The following FBLN7 variants were observed in gnomAD, a reference collection of about 807,000 sequenced individuals.
FBLN7 encodes the protein fibulin-7.
FBLN7 carries 31 observed loss-of-function variants against 44.0 expected under a neutral mutation model. That is an observed-to-expected ratio of 0.70 (90% confidence interval 0.53 to 0.95). The LOEUF is 0.95. Ranked by LOEUF, FBLN7 falls within the 40% of genes least tolerant of loss-of-function variation. The pLI, the probability that FBLN7 is intolerant of heterozygous loss-of-function variation, is 0.00. For synonymous variants in FBLN7, 262 were observed against 253.4 expected (o/e 1.03, Z -0.32); for missense variants, 573 against 618.5 (o/e 0.93, Z 0.78).
chr2:112,175,845 TA>T lies in FBLN7; in HGVS notation c.532+7del, dbSNP rs745461126. The stretch of plus-strand genomic sequence containing the variant: ...TCAGCATCAGGCCCAGACTGGTATG[TA>T]GCCACCATGGGGTTAGGTGAGGACA... On this transcript the variant is annotated splice_region_variant and intron_variant, in intron 4 of 7. Transcript: ENST00000331203. 6.2e-7 allele frequency: 1 copy of T among 1,613,674 alleles called. No individual in the cohort carries two copies. The highest frequency in any genetic ancestry group is 8.5e-7 in the Non-Finnish European group (1 of 1,179,796).
At chr2:112,194,777 C>T in the FBLN7 span, among the ~76,000 whole-genome samples, 5 of 152,216 alleles carry the variant, frequency 3.3e-5, no homozygotes, top group Non-Finnish European at 7.3e-5. Flanking sequence ...ATCAGATAGC[C>T]CTGTGTCCTT....
At chr2:112,243,152 A>G in the FBLN7 span, among the ~76,000 whole-genome samples, 1 of 152,220 alleles carries the variant, frequency 6.6e-6, no homozygotes. Flanking sequence ...CAAAGTTAAA[A>G]TAGGAACAAG....
At chr2:112,235,594 T>C in the FBLN7 span, among the ~76,000 whole-genome samples, 1 of 152,138 alleles carries the variant, frequency 6.6e-6, no homozygotes, top group Non-Finnish European at 1.5e-5. Context: ...CCCCTTACCC[T>C]TGTCCCATAT....
intron 1 of FBLN7, among the ~76,000 whole-genome samples, chr2:112,140,812 C>G (rs986410261): frequency 6.6e-6 from 1 of 152,200 alleles, no homozygotes; most frequent in Non-Finnish European, 1.5e-5. Context: ...CGAAGCGGTC[C>G]CTTCCCGAGC....
At chr2:112,159,340 G>A (rs967845523) in intron 1 of FBLN7, among the ~76,000 whole-genome samples, 4 of 152,170 alleles carry the variant, frequency 2.6e-5, no homozygotes, top group African/African-American at 9.7e-5. Context: ...CCAAGGCCCA[G>A]GGTTTTCAGA....
At chr2:112,203,371 T>C in the FBLN7 span, among the ~76,000 whole-genome samples, 1 of 152,200 alleles carries the variant, frequency 6.6e-6, no homozygotes, top group Admixed American at 6.5e-5. Context: ...GGCTGTCTAT[T>C]AAGCTAACTA....
At chr2:112,230,774 T>G in the FBLN7 span, 1 of 550,146 alleles carries the variant, frequency 1.8e-6, no homozygotes, top group African/African-American at 2.0e-5. Flanking sequence ...ATCAAATATT[T>G]TATAATTCTT....
chr2:112,223,366 AAC>A, the FBLN7 span, among the ~76,000 whole-genome samples: 2 of 152,208 alleles, frequency 1.3e-5, no homozygotes, highest in African/African-American at 2.4e-5. Flanking sequence ...AATTTCTAGA[AAC>A]ACACAAACAA....
intron 2 of FBLN7, among the ~76,000 whole-genome samples, chr2:112,162,565 G>T (rs1054264254): frequency 2.6e-5 from 4 of 152,158 alleles, no homozygotes; most frequent in African/African-American, 9.7e-5. Context: ...CTCGGAAGGC[G>T]CAGGGAGCTT....
At chr2:112,178,869 C>G (rs1682852421) in intron 4 of FBLN7, among the ~76,000 whole-genome samples, 1 of 152,068 alleles carries the variant, frequency 6.6e-6, no homozygotes, top group Non-Finnish European at 1.5e-5. Context: ...TAAGAGCCAT[C>G]TATGACAAAC....
the FBLN7 span, among the ~76,000 whole-genome samples, chr2:112,230,168 G>A: frequency 2.1e-4 from 32 of 152,234 alleles, 1 homozygote; most frequent in Middle Eastern, 3.4e-3. Context: ...ATTAAGTTAC[G>A]AGATTCTATT....
chr2:112,215,998 T>A, the FBLN7 span: 2 of 152,184 alleles, frequency 1.3e-5, no homozygotes, highest in African/African-American at 4.8e-5. Context: ...AAAATGAAAT[T>A]GTGAACCATT....
At chr2:112,140,418 C>T (rs568210026) in intron 1 of FBLN7, among the ~76,000 whole-genome samples, 43 of 152,300 alleles carry the variant, frequency 2.8e-4, no homozygotes, top group African/African-American at 9.9e-4. Flanking sequence ...ACTTTCCACT[C>T]GGATGCCTGG....
chr2:112,198,288 A>G, the FBLN7 span, among the ~76,000 whole-genome samples: 16 of 152,184 alleles, frequency 1.1e-4, 1 homozygote, highest in East Asian at 2.9e-3. Flanking sequence ...GGCTTTTGGG[A>G]GGTGATTAGT....
At chr2:112,150,382 G>GA (rs146395201) in intron 1 of FBLN7, among the ~76,000 whole-genome samples, 4,795 of 147,780 alleles carry the variant, frequency 0.032, 237 homozygotes, top group African/African-American at 0.11. Flanking sequence ...TGTACCAGAA[G>GA]AAAAAAAAAA....
chr2:112,236,853 C>A, the FBLN7 span, among the ~76,000 whole-genome samples: 8 of 152,058 alleles, frequency 5.3e-5, no homozygotes, highest in East Asian at 1.5e-3. Context: ...TCAAGGCCAG[C>A]CTAAGTGTTC....
intron 3 of FBLN7, among the ~76,000 whole-genome samples, chr2:112,166,006 TA>T (rs1367870117): frequency 6.6e-6 from 1 of 151,224 alleles, no homozygotes; most frequent in Non-Finnish European, 1.5e-5. Flanking sequence ...GGACATTATA[TA>T]AACAAGAAGA....
chr2:112,234,366 A>T, the FBLN7 span: 42 of 645,072 alleles, frequency 6.5e-5, 1 homozygote, highest in South Asian at 8.8e-4. Context: ...CTTCATATGT[A>T]AAATTTGGAT....
chr2:112,231,976 T>C, the FBLN7 span: 4 of 1,278,362 alleles, frequency 3.1e-6, no homozygotes, highest in East Asian at 9.6e-5. Flanking sequence ...AAGAGAACAA[T>C]TTTAATCCAA....
Sources: allele counts gnomAD v4.1 joint callset (sites outside exome capture counted in the v4.1 genomes callset), GRCh38; gene constraint gnomAD v4.1.1; transcripts MANE v1.5; gene names NCBI Gene and HGNC (gene_info 2026-07-23, HGNC 2026-07-21).